Variants in TSPAN9 observed in about 807,000 individuals in gnomAD.
The protein encoded by TSPAN9 is tetraspanin 9.
In TSPAN9, 16 loss-of-function variants were observed where a neutral mutation model predicts 31.0. The observed-to-expected ratio is 0.52, with a 90% CI of 0.35 to 0.78. The LOEUF (loss-of-function observed/expected upper bound fraction) is 0.78, where lower values mean the gene tolerates loss of function less well. TSPAN9 is among the 30% of genes least tolerant of loss of function. The pLI, the probability that TSPAN9 is intolerant of heterozygous loss-of-function variation, is 0.01. For synonymous variants in TSPAN9, 145 were observed against 121.6 expected (o/e 1.19, Z -1.27); for missense variants, 272 against 312.5 (o/e 0.87, Z 0.98).
intron 2 of TSPAN9, among the ~76,000 whole-genome samples, chr12:3,135,583 G>A (rs1212266071): frequency 6.6e-6 from 1 of 152,172 alleles, no homozygotes; most frequent in Admixed American, 6.5e-5. Context: ...GAGGGGCTGT[G>A]GCCCTGAGGC....
chr12:3,137,416 G>A (rs772666046), intron 2 of TSPAN9, among the ~76,000 whole-genome samples: 1 of 152,176 alleles, frequency 6.6e-6, no homozygotes, highest in Non-Finnish European at 1.5e-5. Context: ...CCAGAGCCCC[G>A]CCTCCTGCTG....
At chr12:3,096,802 C>T (rs529950202) in intron 2 of TSPAN9, among the ~76,000 whole-genome samples, 16 of 152,148 alleles carry the variant, frequency 1.1e-4, no homozygotes, top group Admixed American at 2.6e-4. Flanking sequence ...ACGCCATTCT[C>T]CTGCCTCAGC....
chr12:3,097,180 T>G lies in TSPAN9; in HGVS notation c.-18+13461T>G, dbSNP rs1202009479. 2.6e-5 allele frequency among the ~76,000 whole-genome samples: 4 copies of G among 152,270 alleles called. No homozygotes were observed. In the East Asian group the frequency reaches 7.7e-4, roughly 29 times the overall value. On this transcript the variant is annotated intron_variant, in intron 2 of 8. Transcript: ENST00000011898. ...GGAGGCTGGAGCCAGGCTTTCTGGATTGTGACCCAGATTCTGTCGTTTCTC... is the reference window on the plus strand; with the variant it reads ...GGAGGCTGGAGCCAGGCTTTCTGGAGTGTGACCCAGATTCTGTCGTTTCTC...
intron 3 of TSPAN9, among the ~76,000 whole-genome samples, chr12:3,243,867 G>A (rs998148149): frequency 6.6e-6 from 1 of 152,192 alleles, no homozygotes; most frequent in African/African-American, 2.4e-5. Context: ...CCACCTCTGA[G>A]AAGACTTCTC....
At chr12:3,119,084 G>A (rs575317470) in intron 2 of TSPAN9, among the ~76,000 whole-genome samples, 1 of 152,298 alleles carries the variant, frequency 6.6e-6, no homozygotes, top group Admixed American at 6.5e-5. Flanking sequence ...GAAGGTAGGG[G>A]AATGTTGTTT....
At chr12:3,263,373 C>T (rs992050329) in intron 3 of TSPAN9, among the ~76,000 whole-genome samples, 4 of 152,204 alleles carry the variant, frequency 2.6e-5, no homozygotes, top group Non-Finnish European at 4.4e-5. Flanking sequence ...GACATCGCTT[C>T]GTCTAAAGGC....
chr12:3,239,909 TA>T (rs146081958), intron 3 of TSPAN9, among the ~76,000 whole-genome samples: 2,059 of 150,842 alleles, frequency 0.014, 43 homozygotes, highest in African/African-American at 0.042. Context: ...ACTGACTATA[TA>T]GGGGGGGGAC....
intron 1 of TSPAN9, among the ~76,000 whole-genome samples, chr12:3,078,851 G>T (rs1029611155): frequency 3.3e-5 from 5 of 151,926 alleles, no homozygotes; most frequent in African/African-American, 7.3e-5. Flanking sequence ...CCTATGAACA[G>T]ATATTTAATA....
chr12:3,142,125 C>T (rs1452765388), intron 2 of TSPAN9, among the ~76,000 whole-genome samples: 1 of 152,106 alleles, frequency 6.6e-6, no homozygotes, highest in Non-Finnish European at 1.5e-5. Flanking sequence ...AGGAAGCTGC[C>T]CAGTGTCACA....
intron 2 of TSPAN9, among the ~76,000 whole-genome samples, chr12:3,179,836 G>C (rs1174438877): frequency 1.3e-5 from 2 of 152,186 alleles, no homozygotes; most frequent in African/African-American, 4.8e-5. Flanking sequence ...ATAGTGGTGA[G>C]ATTGACGGAC....
At chr12:3,209,247 A>T (rs1476883355) in intron 3 of TSPAN9, among the ~76,000 whole-genome samples, 5 of 151,866 alleles carry the variant, frequency 3.3e-5, no homozygotes, top group Admixed American at 6.6e-5. Context: ...AAAAAAAAAA[A>T]AATAAAAAAC....
intron 2 of TSPAN9, among the ~76,000 whole-genome samples, chr12:3,180,705 C>T (rs1229168384): frequency 2.0e-5 from 3 of 152,116 alleles, no homozygotes; most frequent in Admixed American, 1.3e-4. Context: ...GTCCATGTTT[C>T]CAGAGTAAGT....
At chr12:3,167,192 C>T (rs1048480549) in intron 2 of TSPAN9, among the ~76,000 whole-genome samples, 7 of 152,176 alleles carry the variant, frequency 4.6e-5, no homozygotes, top group Non-Finnish European at 5.9e-5. Flanking sequence ...GATTCATCCA[C>T]GTAGCTGCAA....
At chr12:3,209,755 C>A (rs372191574) in intron 3 of TSPAN9, among the ~76,000 whole-genome samples, 1,917 of 151,404 alleles carry the variant, frequency 0.013, 39 homozygotes, top group African/African-American at 0.045. Flanking sequence ...GTCAGGAGAT[C>A]GAGACCATCC....
chr12:3,157,917 G>A (rs138825276), intron 2 of TSPAN9, among the ~76,000 whole-genome samples: 1 of 152,272 alleles, frequency 6.6e-6, no homozygotes, highest in African/African-American at 2.4e-5. Flanking sequence ...TGATTAAGAC[G>A]ATGAGCGAAA....
chr12:3,134,187 A>T (rs1357592494), intron 2 of TSPAN9, among the ~76,000 whole-genome samples: 2 of 152,158 alleles, frequency 1.3e-5, no homozygotes, highest in Non-Finnish European at 2.9e-5. Flanking sequence ...AGTAGGTCGC[A>T]TTGCTAAAAA....
intron 2 of TSPAN9, among the ~76,000 whole-genome samples, chr12:3,181,967 C>T (rs2098358780): frequency 6.6e-6 from 1 of 152,124 alleles, no homozygotes; most frequent in South Asian, 2.1e-4. Flanking sequence ...TGCACGTGCA[C>T]ATGTGTTGTG....
intron 3 of TSPAN9, among the ~76,000 whole-genome samples, chr12:3,277,308 C>T (rs1359071316): frequency 2.0e-5 from 3 of 152,212 alleles, no homozygotes; most frequent in African/African-American, 7.2e-5. Context: ...GCCCCTAGTC[C>T]ACCCACCCTT....
intron 2 of TSPAN9, among the ~76,000 whole-genome samples, chr12:3,155,235 A>G (rs951411411): frequency 1.3e-5 from 2 of 152,170 alleles, no homozygotes; most frequent in Non-Finnish European, 2.9e-5. Context: ...ACTTTGGGGA[A>G]TATAAAGAGC....
Sources: gnomAD v4.1 joint callset for allele counts (sites outside exome capture counted in the v4.1 genomes callset) on GRCh38, gnomAD v4.1.1 for gene constraint, MANE v1.5 for transcripts, NCBI Gene and HGNC (gene_info 2026-07-23, HGNC 2026-07-21) for gene names.